DIP2C: variants seen among roughly 807,000 people sequenced by gnomAD.
The protein encoded by DIP2C is disco-interacting protein 2 homolog C.
A neutral mutation model predicts 192.4 loss-of-function variants in DIP2C; 33 were observed. That is an observed-to-expected ratio of 0.17 (90% CI 0.13 to 0.23). The LOEUF (loss-of-function observed/expected upper bound fraction) is 0.23. Ranked by LOEUF, DIP2C falls within the 10% of genes least tolerant of loss-of-function variation. The pLI is 1.00. For missense variants in DIP2C, 1,537 were observed against 2,110.1 expected (o/e 0.73, Z 5.32); for synonymous variants, 979 against 864.1 (o/e 1.13, Z -2.33).
intron 9 of DIP2C, among the ~76,000 whole-genome samples, chr10:402,165 C>T (rs76070460): frequency 0.36 from 10 of 28 alleles, no homozygotes; most frequent in African/African-American, 0.36. Flanking sequence ...TGTGTGGTAG[C>T]ATTAGCATTA....
rs993207425 is a variant in DIP2C, at chr10:423,719, G to A, written c.395-686C>T. ...AACCATGCAGCTGATTTATTTCTAC[G>A]TCGGTGTGTGTGTGTTAGATACCCA... On this transcript the variant is annotated intron_variant, in intron 4 of 36. Coordinates refer to ENST00000280886, the MANE Select transcript of DIP2C (RefSeq NM_014974.3). 4.0e-5 allele frequency among the ~76,000 whole-genome samples: 6 copies of A among 151,696 alleles called. No individual in the cohort carries two copies. The East Asian group carries it at 1.2e-3, about 29-fold the overall frequency.
intron 3 of DIP2C, among the ~76,000 whole-genome samples, chr10:466,400 A>G (rs1428808423): frequency 6.6e-5 from 9 of 136,360 alleles, no homozygotes; most frequent in East Asian, 2.2e-4. Flanking sequence ...AAGATGGATT[A>G]AAGACTTAAA....
At chr10:449,925 A>C (rs1221985261) in intron 3 of DIP2C, among the ~76,000 whole-genome samples, 143 of 119,506 alleles carry the variant, frequency 1.2e-3, no homozygotes, top group Non-Finnish European at 1.6e-3. Context: ...AACAACAAAA[A>C]AAAAAAAAAA....
chr10:574,781 C>T (rs1850049344), intron 1 of DIP2C, among the ~76,000 whole-genome samples: 1 of 152,226 alleles, frequency 6.6e-6, no homozygotes, highest in South Asian at 2.1e-4. Context: ...CTTCAATGTG[C>T]TATGATACTA....
At chr10:495,618 C>T (rs1429701924) in intron 1 of DIP2C, among the ~76,000 whole-genome samples, 1 of 152,038 alleles carries the variant, frequency 6.6e-6, no homozygotes, top group Non-Finnish European at 1.5e-5. Flanking sequence ...CCTTGGTGTC[C>T]GTGGGGGTGG....
At chr10:462,566 C>T (rs775757991) in intron 3 of DIP2C, among the ~76,000 whole-genome samples, 10 of 152,202 alleles carry the variant, frequency 6.6e-5, no homozygotes, top group Non-Finnish European at 1.0e-4. Context: ...CAGGACCAGA[C>T]GAATTCACAG....
rs370589194 is a variant in DIP2C, at chr10:606,881, T to C, written c.85+82613A>G. On this transcript the variant is annotated intron_variant, in intron 1 of 36. Transcript: ENST00000280886. ...ACAGCTTCCGTGTGGCGTGTGAAGC[T>C]GGAGGCCTGTCATGGTGACTCAGGC... 1.4e-3 allele frequency among the ~76,000 whole-genome samples: 211 copies of C among 152,298 alleles called. 4 individuals are homozygous for C. The highest frequency in any genetic ancestry group is 4.8e-3 in the African/African-American group (198 of 41,572).
intron 15 of DIP2C, 149 bp from the exon 16 acceptor site, chr10:384,295 T>TGTG: frequency 8.6e-7 from 1 of 1,165,892 alleles, no homozygotes. Context: ...TTTTTTTTTT[T>TGTG]TTTTGTGATC....
intron 9 of DIP2C, among the ~76,000 whole-genome samples, chr10:401,822 G>C (rs1327382758): frequency 6.6e-6 from 1 of 151,304 alleles, no homozygotes; most frequent in Non-Finnish European, 1.5e-5. Context: ...TGAATCCTAT[G>C]ATTTTACACG....
intron 31 of DIP2C, among the ~76,000 whole-genome samples, chr10:311,098 A>G (rs2132326940): frequency 6.6e-6 from 1 of 152,154 alleles, no homozygotes; most frequent in African/African-American, 2.4e-5. Context: ...CTCACCACTG[A>G]GACAGGGAAA....
intron 4 of DIP2C, among the ~76,000 whole-genome samples, chr10:429,996 A>T (rs1441077577): frequency 6.6e-6 from 1 of 152,214 alleles, no homozygotes; most frequent in African/African-American, 2.4e-5. Context: ...TTTTGCTTTA[A>T]GACCAGCAAT....
intron 29 of DIP2C, among the ~76,000 whole-genome samples, chr10:334,235 AG>A (rs1378275246): frequency 1.4e-5 from 2 of 141,114 alleles, no homozygotes; most frequent in African/African-American, 5.2e-5. Flanking sequence ...TGAACCTTGG[AG>A]GCAGAGGTGG....
At chr10:495,002 G>T (rs539797978) in intron 1 of DIP2C, among the ~76,000 whole-genome samples, 1 of 152,340 alleles carries the variant, frequency 6.6e-6, no homozygotes, top group South Asian at 2.1e-4. Context: ...ATCAGTGGAT[G>T]AACAGAGAAA....
intron 1 of DIP2C, among the ~76,000 whole-genome samples, chr10:595,077 G>A (rs996488077): frequency 1.3e-5 from 2 of 152,158 alleles, no homozygotes; most frequent in African/African-American, 2.4e-5. Context: ...TCTTCTACAT[G>A]GCATCAGCCT....
chr10:347,822 G>A (rs542874744), intron 26 of DIP2C, among the ~76,000 whole-genome samples: 2 of 146,388 alleles, frequency 1.4e-5, no homozygotes, highest in Admixed American at 1.4e-4. Flanking sequence ...GACACATCGC[G>A]CATAGCTCTC....
At chr10:503,421 AAG>A (rs767381200) in intron 1 of DIP2C, among the ~76,000 whole-genome samples, 9 of 152,368 alleles carry the variant, frequency 5.9e-5, no homozygotes, top group South Asian at 2.1e-4. Context: ...CTGACCACAA[AAG>A]AGAGTGGCAG....
chr10:550,813 CAAG>C (rs1467362645), intron 1 of DIP2C, among the ~76,000 whole-genome samples: 2 of 152,220 alleles, frequency 1.3e-5, no homozygotes, highest in African/African-American at 4.8e-5. Flanking sequence ...AACAGGGAAG[CAAG>C]AAGAGGGATG....
chr10:632,973 C>T (rs1588642823), intron 1 of DIP2C, among the ~76,000 whole-genome samples: 1 of 152,306 alleles, frequency 6.6e-6, no homozygotes, highest in South Asian at 2.1e-4. Context: ...GGAGACCACA[C>T]AGGCACCGGT....
At chr10:317,195 G>C (rs547767232) in intron 31 of DIP2C, among the ~76,000 whole-genome samples, 2 of 152,356 alleles carry the variant, frequency 1.3e-5, no homozygotes, top group East Asian at 3.9e-4. Context: ...TCAGGAAATG[G>C]GGGTTCTGGA....
Sources: allele counts gnomAD v4.1 joint callset (sites outside exome capture counted in the v4.1 genomes callset), GRCh38; gene constraint gnomAD v4.1.1; transcripts MANE v1.5; gene names NCBI Gene and HGNC (gene_info 2026-07-23, HGNC 2026-07-21).